The following DDX10 variants were observed in gnomAD, a reference collection of about 807,000 sequenced individuals.
DDX10 encodes the protein probable ATP-dependent RNA helicase DDX10.
In DDX10, 74 loss-of-function variants were observed where a neutral mutation model predicts 104.3. The observed-to-expected ratio is 0.71, with a 90% CI of 0.59 to 0.86. DDX10 has a LOEUF of 0.86. Among genes scored for constraint, DDX10 ranks in the 40% least tolerant of loss-of-function variants. The pLI, the probability that DDX10 is intolerant of heterozygous loss-of-function variation, is 0.00. For synonymous variants in DDX10, 351 were observed against 353.4 expected (o/e 0.99, Z 0.08); for missense variants, 952 against 1,040.0 (o/e 0.92, Z 1.16).
At chr11:108,693,713 A>C (rs1420917939) in intron 9 of DDX10, 113 bp downstream of exon 9, 2 of 833,098 alleles carry the variant, frequency 2.4e-6, no homozygotes, top group African/African-American at 3.3e-5. Context: ...CTGGTTTGGC[A>C]TTTTGTGGTG....
At chr11:108,892,522 A>G (rs2726897) in intron 16 of DDX10, among the ~76,000 whole-genome samples, 150,938 of 152,264 alleles carry the variant, frequency 0.99, 74,834 homozygotes, top group Middle Eastern at 1. Flanking sequence ...TCATTTGTTG[A>G]TGTTTTTCTT....
intron 13 of DDX10, among the ~76,000 whole-genome samples, chr11:108,799,629 C>A (rs988302481): frequency 6.6e-6 from 1 of 152,190 alleles, no homozygotes; most frequent in South Asian, 2.1e-4. Context: ...CATTTTCTTG[C>A]AGACTTCCCA....
At chr11:108,848,821 G>C (rs1862753568) in intron 15 of DDX10, among the ~76,000 whole-genome samples, 2 of 152,078 alleles carry the variant, frequency 1.3e-5, no homozygotes, top group South Asian at 4.2e-4. Context: ...TTGAGGAGCA[G>C]GGAGCAGTTT....
At chr11:108,801,737 TG>T (rs1481264291) in intron 13 of DDX10, among the ~76,000 whole-genome samples, 2 of 152,226 alleles carry the variant, frequency 1.3e-5, no homozygotes, top group Non-Finnish European at 2.9e-5. Flanking sequence ...AATCCAGGTT[TG>T]TTTTTTTTTT....
At chr11:108,913,202 A>G (rs1165532917) in intron 16 of DDX10, among the ~76,000 whole-genome samples, 1 of 152,070 alleles carries the variant, frequency 6.6e-6, no homozygotes, top group Non-Finnish European at 1.5e-5. Flanking sequence ...TTGGTTTTAT[A>G]CATTTTAGGG....
At chr11:108,905,718 C>T (rs1863587496) in intron 16 of DDX10, among the ~76,000 whole-genome samples, 1 of 152,072 alleles carries the variant, frequency 6.6e-6, no homozygotes, top group Non-Finnish European at 1.5e-5. Context: ...TGAGATTCAT[C>T]CACTGTATTA....
At chr11:108,773,156 T>C (rs532150117) in intron 13 of DDX10, among the ~76,000 whole-genome samples, 8 of 152,216 alleles carry the variant, frequency 5.3e-5, no homozygotes, top group Admixed American at 2.0e-4. Context: ...ACATATGATA[T>C]TTGTTGAATT....
At chr11:108,778,280 C>G (rs1420717068) in intron 13 of DDX10, among the ~76,000 whole-genome samples, 3 of 152,330 alleles carry the variant, frequency 2.0e-5, no homozygotes, top group Admixed American at 2.0e-4. Context: ...ATCACGCTAC[C>G]TGACTTCAAA....
chr11:108,898,279 A>G (rs761946412), intron 16 of DDX10, among the ~76,000 whole-genome samples: 5 of 152,094 alleles, frequency 3.3e-5, no homozygotes, highest in African/African-American at 4.8e-5. Context: ...AAAGCCCGCT[A>G]TGGATGGGAC....
At chr11:108,824,039 T>C (rs1226070850) in intron 13 of DDX10, among the ~76,000 whole-genome samples, 1 of 152,176 alleles carries the variant, frequency 6.6e-6, no homozygotes, top group Non-Finnish European at 1.5e-5. Context: ...GTTTCGTGAT[T>C]TCTGTCCCAG....
At chr11:108,696,314 C>T (rs1433281170) in intron 9 of DDX10, among the ~76,000 whole-genome samples, 2 of 152,114 alleles carry the variant, frequency 1.3e-5, no homozygotes, top group Non-Finnish European at 2.9e-5. Flanking sequence ...GTAGCTGGGA[C>T]TATAGGCGCG....
chr11:108,850,054 C>A (rs1349126462), intron 15 of DDX10, among the ~76,000 whole-genome samples: 1 of 151,988 alleles, frequency 6.6e-6, no homozygotes, highest in Non-Finnish European at 1.5e-5. Flanking sequence ...AAGAAAGAAA[C>A]GTTTTCTAAT....
At chr11:108,780,723 T>C (rs1423658376) in intron 13 of DDX10, among the ~76,000 whole-genome samples, 1 of 152,184 alleles carries the variant, frequency 6.6e-6, no homozygotes, top group Non-Finnish European at 1.5e-5. Flanking sequence ...GGTTATATTG[T>C]TGGAAAATGT....
At chr11:108,699,711 T>C (rs2094264782) in intron 9 of DDX10, among the ~76,000 whole-genome samples, 1 of 152,182 alleles carries the variant, frequency 6.6e-6, no homozygotes, top group South Asian at 2.1e-4. Context: ...AGGGTGTCAA[T>C]ACCAGGAGGT....
chr11:108,845,190 A>G (rs1489898872), intron 15 of DDX10, among the ~76,000 whole-genome samples: 1 of 152,132 alleles, frequency 6.6e-6, no homozygotes, highest in African/African-American at 2.4e-5. Context: ...CCTGGGCGAC[A>G]GAGCCAGACT....
intron 16 of DDX10, among the ~76,000 whole-genome samples, chr11:108,887,582 TAA>T (rs34226825): frequency 1.4e-5 from 2 of 140,898 alleles, no homozygotes; most frequent in African/African-American, 2.6e-5. Context: ...ATAGTCTGCT[TAA>T]AAAAAAAAAA....
At chr11:108,824,781 A>G (rs964190108) in intron 13 of DDX10, among the ~76,000 whole-genome samples, 1 of 152,212 alleles carries the variant, frequency 6.6e-6, no homozygotes, top group Non-Finnish European at 1.5e-5. Flanking sequence ...TTGTCACTAT[A>G]GTGGCTTTGT....
At chr11:108,770,479 C>A (rs2094361601) in intron 13 of DDX10, among the ~76,000 whole-genome samples, 1 of 146,582 alleles carries the variant, frequency 6.8e-6, no homozygotes, top group Non-Finnish European at 1.5e-5. Flanking sequence ...TACTCATTAA[C>A]CATCCCCCCT....
intron 13 of DDX10, among the ~76,000 whole-genome samples, chr11:108,785,502 A>C (rs1861778806): frequency 6.6e-6 from 1 of 152,176 alleles, no homozygotes; most frequent in Admixed American, 6.5e-5. Context: ...ATTTTCTTGG[A>C]ATAGATTCAG....
Sources: allele counts gnomAD v4.1 joint callset (sites outside exome capture counted in the v4.1 genomes callset), GRCh38; gene constraint gnomAD v4.1.1; transcripts MANE v1.5; gene names NCBI Gene and HGNC (gene_info 2026-07-23, HGNC 2026-07-21).